The following GTPBP6 variants were observed in gnomAD, a reference collection of about 807,000 sequenced individuals.
GTPBP6 encodes the protein putative GTP-binding protein 6.
In GTPBP6, 33 loss-of-function variants were observed where a neutral mutation model predicts 28.9. The ratio of observed to expected loss-of-function variants is 1.14; its 90% confidence interval spans 0.87 to 1.53. The LOEUF is 1.53. GTPBP6 is among the 40% of genes most tolerant of loss of function. The pLI is 0.00. For synonymous variants in GTPBP6, 231 were observed against 192.7 expected (o/e 1.20, Z -1.65); for missense variants, 507 against 408.3 (o/e 1.24, Z -2.08).
chrX:315,144 C>T (rs1188660490), intron 3 of GTPBP6, 85 bp downstream of exon 3: 1 of 395,842 alleles, frequency 2.5e-6, no homozygotes, highest in African/African-American at 2.1e-5. Flanking sequence ...CCCCATCTGT[C>T]CCCCGCCTGG....
rs1461612853 is a variant in GTPBP6, at chrX:314,447, G to A, written c.690-230C>T. ...GCAGGCAGTGGGGGCAACGGGCCCC[G>A]GAGAGAGAGCCCACACGGTGCTTTT... On this transcript the variant is annotated intron_variant, in intron 4 of 9. Transcript: ENST00000326153. 7.9e-5 allele frequency among the ~76,000 whole-genome samples: 12 copies of A among 152,192 alleles called. No individual in the cohort carries two copies. The South Asian group carries it at 8.3e-4, about 10-fold the overall frequency.
chrX:305,897 T>G (rs890608732), intron 9 of GTPBP6, among the ~76,000 whole-genome samples: 1 of 152,158 alleles, frequency 6.6e-6, no homozygotes, highest in Non-Finnish European at 1.5e-5. Context: ...GTGTTGGGAT[T>G]ACAGGTGTGA....
At chrX:305,849 C>A (rs980578735) in intron 9 of GTPBP6, among the ~76,000 whole-genome samples, 1 of 152,174 alleles carries the variant, frequency 6.6e-6, no homozygotes, top group African/African-American at 2.4e-5. Flanking sequence ...TGGTCTCGAT[C>A]TCCTGACCTT....
At chrX:307,605 T>A in intron 8 of GTPBP6, 93 bp from the exon 9 acceptor site, 1 of 1,466,198 alleles carries the variant, frequency 6.8e-7, no homozygotes, top group Non-Finnish European at 9.2e-7. Flanking sequence ...CGGGGCACAG[T>A]CTGGGGCCAC....
chrX:305,534 G>T (rs973678186), intron 9 of GTPBP6, among the ~76,000 whole-genome samples: 1 of 151,004 alleles, frequency 6.6e-6, no homozygotes, highest in African/African-American at 2.5e-5. Context: ...TGTTAGCCAG[G>T]ATGGTCTCGA....
chrX:313,931 C>G (rs1020747028), intron 5 of GTPBP6, among the ~76,000 whole-genome samples: 7 of 152,032 alleles, frequency 4.6e-5, no homozygotes, highest in African/African-American at 1.7e-4. Context: ...ACCAGCATCT[C>G]CTATCTCCTC....
At chrX:318,241 ATCCT>A (rs1349252697) in intron 1 of GTPBP6, among the ~76,000 whole-genome samples, 194 bp downstream of exon 1, 5 of 135,320 alleles carry the variant, frequency 3.7e-5, no homozygotes, top group African/African-American at 1.4e-4. Flanking sequence ...CACCTATGAA[ATCCT>A]TCCTGCAGAG....
At position 316,799 on chromosome X, in the gene GTPBP6, G is replaced by A. The variant is rs1363433777; in HGVS notation, c.487+115C>T. 4 of 398,436 alleles carry A rather than the reference G, an allele frequency of 1.0e-5. No homozygotes were observed. In the East Asian group the frequency reaches 1.1e-4, roughly 11 times the overall value. The allele number at this position is 398,436 out of a possible 1,614,324, so 24.7% of individuals were successfully genotyped here. ...GCTCACCTGGGCAATCCGAGAGGCCGCTTCCCCTCTGGCCCCGCAAGACCC... is the reference window on the plus strand; with the variant it reads ...GCTCACCTGGGCAATCCGAGAGGCCACTTCCCCTCTGGCCCCGCAAGACCC... On this transcript the variant is annotated intron_variant, in intron 2 of 9. Transcript: ENST00000326153.
chrX:311,738 C>A (rs2070304713), intron 6 of GTPBP6, 111 bp from the exon 7 acceptor site: 1 of 861,874 alleles, frequency 1.2e-6, no homozygotes, highest in Non-Finnish European at 1.9e-6. Flanking sequence ...GGGCCGCACC[C>A]CGGGCTACAC....
chrX:316,537 T>G (rs1260508259), intron 2 of GTPBP6, among the ~76,000 whole-genome samples: 5 of 152,244 alleles, frequency 3.3e-5, no homozygotes, highest in African/African-American at 9.6e-5. Context: ...AAGGATCGCA[T>G]GCTGGACCCC....
chrX:316,884 T>A (rs1255866227), intron 2 of GTPBP6, 30 bp downstream of exon 2: 2 of 398,480 alleles, frequency 5.0e-6, no homozygotes, highest in Admixed American at 8.8e-5. Flanking sequence ...AAAGGAGGTT[T>A]GGGGAAGGAG....
At position 312,888 on chromosome X, in the gene GTPBP6, C is replaced by T. The variant is rs752051571; in HGVS notation, c.794G>A (p.Arg265Lys). ...CTTCCTGATCTTGGCCTCCTTCTCT[C>T]TCAGGAGACGCTGCTGCAGCTGCAT... The change falls in exon 6 of 10, where the codon AGA (arginine) becomes AAA (lysine). Residue 265 changes from arginine to lysine, a missense_variant. Transcript: ENST00000326153. 43 of 1,612,782 alleles carry T rather than the reference C, an allele frequency of 2.7e-5. No individual in the cohort carries two copies. In the South Asian group the frequency reaches 4.6e-4, roughly 17 times the overall value.
intron 2 of GTPBP6, 122 bp from the exon 3 acceptor site, chrX:315,421 TC>T: frequency 2.5e-6 from 1 of 398,496 alleles, no homozygotes; most frequent in East Asian, 3.6e-5. Flanking sequence ...ATCCCCGACT[TC>T]CTGAGCACGA....
At chrX:309,240 C>T (rs1333428350) in intron 7 of GTPBP6, among the ~76,000 whole-genome samples, 3 of 152,178 alleles carry the variant, frequency 2.0e-5, no homozygotes, top group African/African-American at 7.2e-5. Flanking sequence ...TCTTCATGCA[C>T]TTGGAAAGTC....
chrX:305,557 G>A (rs891911641), intron 9 of GTPBP6, among the ~76,000 whole-genome samples: 1 of 150,532 alleles, frequency 6.6e-6, no homozygotes, highest in African/African-American at 2.5e-5. Context: ...TCCTGACTTC[G>A]TGATCCACCC....
At chrX:305,197 G>T (rs1355588996) in exon 10 of GTPBP6, 1 of 1,612,250 alleles carries the variant, frequency 6.2e-7, no homozygotes, top group East Asian at 2.2e-5. Flanking sequence ...TATACAGCCA[G>T]CTGGGCACAG....
intron 4 of GTPBP6, among the ~76,000 whole-genome samples, chrX:314,667 G>C (rs1417166940): frequency 6.6e-6 from 1 of 151,934 alleles, no homozygotes; most frequent in African/African-American, 2.4e-5. Flanking sequence ...TAGTACAGAC[G>C]GGGTTTCACC....
rs1349244611 is a variant in GTPBP6 at position 315,063 on chromosome X, G to A, written c.559-43C>T. The A allele has an allele frequency of 5.0e-5, 20 of 398,620 alleles. 1 individual carries two copies. The highest frequency in any genetic ancestry group is 1.2e-3 in the Middle Eastern group (2 of 1,610). The allele number at this position is 398,620 out of a possible 1,614,324, so 24.7% of individuals were successfully genotyped here. ...AACTGAGAAGCCACGGGGGAAGGCC[G>A]GGCCCTGGTGGCCAATGTGAGAGGA... On this transcript the variant is annotated intron_variant, in intron 3 of 9. Transcript: ENST00000326153.
In GTPBP6 at chrX:315,310, GA is replaced by G. The variant is rs1417191172; in HGVS notation, c.488-12del. 5 of 398,422 alleles carry G rather than the reference GA, an allele frequency of 1.3e-5. No individual in the cohort carries two copies. The highest frequency in any genetic ancestry group is 6.2e-5 in the African/African-American group (3 of 48,640). The allele number at this position is 398,422 out of a possible 1,614,324, so 24.7% of individuals were successfully genotyped here. A position where few individuals can be genotyped will look rare whatever the true frequency, so the allele number is the denominator to read the frequency against. On this transcript the variant is annotated splice_polypyrimidine_tract_variant and intron_variant, in intron 2 of 9. Transcript: ENST00000326153. Reference sequence around the variant, plus strand: ...ACCCTCGGATCTTTTCTAACAGAAAGAGGGGGTCCCGTCAGAGGCTGGCCGT... The same window carrying G: ...ACCCTCGGATCTTTTCTAACAGAAAGGGGGGTCCCGTCAGAGGCTGGCCGT...
Sources: allele counts gnomAD v4.1 joint callset (sites outside exome capture counted in the v4.1 genomes callset), GRCh38; gene constraint gnomAD v4.1.1; transcripts MANE v1.5; gene names NCBI Gene and HGNC (gene_info 2026-07-23, HGNC 2026-07-21).